USP48: variants seen among roughly 807,000 people sequenced by gnomAD.
The protein encoded by USP48 is ubiquitin specific peptidase 48, also known as ubiquitin carboxyl-terminal hydrolase 48.
In USP48, 43 loss-of-function variants were observed where a neutral mutation model predicts 150.7. That is an observed-to-expected ratio of 0.29 (90% CI 0.22 to 0.37). USP48 has a LOEUF of 0.37. USP48 is among the 10% of genes least tolerant of loss of function. The pLI is 1.00. For missense variants in USP48, 813 were observed against 1,249.6 expected, an observed-to-expected ratio of 0.65 and a Z score of 5.27; for synonymous variants, 396 against 425.9, an observed-to-expected ratio of 0.93 and a Z score of 0.86.
At chr1:21,775,758 C>T (rs1173446257) in intron 1 of USP48, among the ~76,000 whole-genome samples, 1 of 152,156 alleles carries the variant, frequency 6.6e-6, no homozygotes, top group Non-Finnish European at 1.5e-5. Context: ...AAATTCATAT[C>T]AAGGCTGGGC....
At chr1:21,701,931 G>A (rs1338905269) in intron 21 of USP48, among the ~76,000 whole-genome samples, 1 of 152,170 alleles carries the variant, frequency 6.6e-6, no homozygotes, top group East Asian at 1.9e-4. Flanking sequence ...ACCTTCCCGA[G>A]CACACTGATT....
At chr1:21,763,123 C>T (rs1223166432) in intron 1 of USP48, among the ~76,000 whole-genome samples, 1 of 152,148 alleles carries the variant, frequency 6.6e-6, no homozygotes, top group East Asian at 1.9e-4. Flanking sequence ...CTAAATATTA[C>T]CACAATAAGA....
chr1:21,755,594 T>G (rs2097830763), intron 3 of USP48, among the ~76,000 whole-genome samples: 2 of 151,934 alleles, frequency 1.3e-5, no homozygotes, highest in Admixed American at 1.3e-4. Flanking sequence ...TCTGTTCAAA[T>G]TATTGTGTAG....
intron 14 of USP48, 119 bp downstream of exon 14, chr1:21,720,917 A>G (rs749731355): frequency 7.5e-7 from 1 of 1,329,072 alleles, no homozygotes; most frequent in Admixed American, 2.0e-5. Context: ...GGCTCAAGTG[A>G]TCTGCCCGTC....
Position 21,751,619 on chromosome 1 carries a change from T to C in USP48, c.666-4A>G. The C allele has an allele frequency of 6.2e-7, 1 of 1,610,912 alleles. No homozygotes were observed. Among genetic ancestry groups the C allele is most frequent in the Non-Finnish European group, 8.5e-7 (1 of 1,177,394 alleles). ...CTCTCTGCCACACTGGTTGCAACTA[T>C]AATAAAACAGAACGACAAAATTCAG... On this transcript the variant is annotated splice_polypyrimidine_tract_variant and splice_region_variant and intron_variant, in intron 5 of 26. Transcript: ENST00000308271.
intron 15 of USP48, among the ~76,000 whole-genome samples, chr1:21,714,087 A>G (rs1372495701): frequency 1.3e-5 from 2 of 152,214 alleles, no homozygotes; most frequent in East Asian, 1.9e-4. Flanking sequence ...TGCATCAGGG[A>G]TAAGAATGAG....
intron 20 of USP48, 142 bp downstream of exon 20, chr1:21,704,120 G>T: frequency 1.2e-6 from 1 of 861,526 alleles, no homozygotes; most frequent in Non-Finnish European, 1.8e-6. Flanking sequence ...ACAAATAATG[G>T]GATGATTATA....
chr1:21,722,062 C>A (rs551874361), intron 12 of USP48, among the ~76,000 whole-genome samples: 16 of 152,100 alleles, frequency 1.1e-4, no homozygotes, highest in Middle Eastern at 3.4e-3. Context: ...ATAATCAAAT[C>A]ACTGAGGTTC....
intron 22 of USP48, among the ~76,000 whole-genome samples, chr1:21,696,568 G>A (rs2097632165): frequency 6.6e-6 from 1 of 152,182 alleles, no homozygotes; most frequent in Non-Finnish European, 1.5e-5. Context: ...AACTGTTCAA[G>A]ACATATCTGA....
chr1:21,705,745 G>A lies in USP48; in HGVS notation c.2366C>T (p.Thr789Ile), dbSNP rs1354174745. The change falls in exon 19 of 27, where the codon ACC becomes ATC. Residue 789 changes from threonine to isoleucine, a missense_variant. By Grantham distance (89) the Thr-to-Ile change is moderately conservative. Coordinates refer to ENST00000308271, the MANE Select transcript of USP48 (RefSeq NM_032236.8). ...GGLMFTFASM[T>I]KEDSKLIALI... Reference sequence around the variant, plus strand: ...AACTCACAGTTTAGAATCTTCTTTGGTCATGGAAGCAAATGTAAACATGAG... The same window carrying A: ...AACTCACAGTTTAGAATCTTCTTTGATCATGGAAGCAAATGTAAACATGAG... 6.2e-7 allele frequency: 1 copy of A among 1,608,330 alleles called. No homozygotes were observed. The highest frequency in any genetic ancestry group is 8.5e-7 in the Non-Finnish European group (1 of 1,178,240).
At chr1:21,694,572 CAAA>C (rs1204062748) in intron 23 of USP48, among the ~76,000 whole-genome samples, 1 of 12,022 alleles carries the variant, frequency 8.3e-5, no homozygotes, top group African/African-American at 4.6e-4. Flanking sequence ...TCTGTCTCAC[CAAA>C]AAAAAAAAAA....
chr1:21,691,316 CAAAAAA>C (rs58202473), intron 23 of USP48, among the ~76,000 whole-genome samples: 1 of 83,610 alleles, frequency 1.2e-5, no homozygotes, highest in Non-Finnish European at 2.5e-5. Flanking sequence ...CTCCCATCTC[CAAAAAA>C]AAAAAAAAAA....
intron 1 of USP48, among the ~76,000 whole-genome samples, chr1:21,781,559 AC>A (rs1390458907): frequency 2.6e-5 from 4 of 152,064 alleles, no homozygotes; most frequent in South Asian, 4.1e-4. Context: ...CATGGCGAAA[AC>A]CCGTCTCCAC....
At chr1:21,749,550 CCTCTTA>C (rs1440218143) in intron 6 of USP48, among the ~76,000 whole-genome samples, 3 of 152,044 alleles carry the variant, frequency 2.0e-5, no homozygotes, top group African/African-American at 7.2e-5. Context: ...CCTTGACTCC[CCTCTTA>C]CTCTTACTCT....
At chr1:21,691,080 C>T (rs915081960) in intron 23 of USP48, among the ~76,000 whole-genome samples, 2 of 152,036 alleles carry the variant, frequency 1.3e-5, no homozygotes, top group African/African-American at 2.4e-5. Context: ...TTTGGGAGGC[C>T]GAGGTGGACG....
chr1:21,723,802 T>C, intron 12 of USP48, 96 bp downstream of exon 12: 1 of 1,110,656 alleles, frequency 9.0e-7, no homozygotes, highest in Non-Finnish European at 1.3e-6. Context: ...TCTAGCATAG[T>C]TTGGGTCAAA....
At position 21,748,166 on chromosome 1, in the gene USP48, A is replaced by G; in HGVS notation, c.880T>C (p.Leu294=). 6.2e-7 allele frequency: 1 copy of G among 1,613,602 alleles called. No individual in the cohort carries two copies. Among genetic ancestry groups the G allele is most frequent in the Non-Finnish European group, 8.5e-7 (1 of 1,179,854 alleles). The change falls in exon 7 of 27, where the codon TTG becomes CTG. Residue 294 remains leucine, a synonymous_variant. Transcript: ENST00000308271. ...RLLSLPCTLN[L]QLMRFVFDRQ... ...TCAAAGACAAAACGCATTAGCTGCA[A>G]GTTCAGAGTGCAAGGAAGGCTAAGA...
rs76584988 is a variant in USP48, at chr1:21,679,612, G to A, written c.3086-173C>T. 1.5e-4 allele frequency among the ~76,000 whole-genome samples: 23 copies of A among 152,302 alleles called. No individual in the cohort carries two copies. In the East Asian group the frequency reaches 2.3e-3, roughly 15 times the overall value. ...AATACCAGCAGACTCCAGGCTCTCC[G>A]CTAAATCACATTTTTGTTGAAAGCC... On this transcript the variant is annotated intron_variant, in intron 26 of 26. Coordinates refer to ENST00000308271, the MANE Select transcript of USP48 (RefSeq NM_032236.8).
At chr1:21,742,997 G>A (rs1010681665) in intron 8 of USP48, among the ~76,000 whole-genome samples, 4 of 152,108 alleles carry the variant, frequency 2.6e-5, no homozygotes, top group Admixed American at 2.6e-4. Context: ...TGTTTTTAAC[G>A]TTTAAAGTGG....
Sources: allele counts gnomAD v4.1 joint callset (sites outside exome capture counted in the v4.1 genomes callset), GRCh38; gene constraint gnomAD v4.1.1; transcripts MANE v1.5; gene names NCBI Gene and HGNC (gene_info 2026-07-23, HGNC 2026-07-21).